Variants in OSBPL11 observed in about 807,000 individuals in gnomAD.
OSBPL11 encodes the protein oxysterol-binding protein-related protein 11.
In OSBPL11, 33 loss-of-function variants were observed where a neutral mutation model predicts 84.4. The ratio of observed to expected loss-of-function variants is 0.39; its 90% confidence interval spans 0.30 to 0.52. The LOEUF is 0.52. Ranked by LOEUF, OSBPL11 falls within the 20% of genes least tolerant of loss-of-function variation. OSBPL11 has a pLI of 0.72. For missense variants in OSBPL11, 736 were observed against 901.1 expected (o/e 0.82, Z 2.35); for synonymous variants, 276 against 310.2 (o/e 0.89, Z 1.16).
chr3:125,592,658 A>G (rs1023594965), intron 1 of OSBPL11, among the ~76,000 whole-genome samples: 1 of 152,164 alleles, frequency 6.6e-6, no homozygotes, highest in Non-Finnish European at 1.5e-5. Flanking sequence ...TTCATTGTAT[A>G]TACTCATCCC....
chr3:125,542,735 C>T (rs1935750654), intron 10 of OSBPL11, among the ~76,000 whole-genome samples: 1 of 152,140 alleles, frequency 6.6e-6, no homozygotes, highest in Non-Finnish European at 1.5e-5. Flanking sequence ...TGGTCTCGAT[C>T]TCCTGATCTT....
At chr3:125,567,872 T>C (rs1017700538) in intron 5 of OSBPL11, among the ~76,000 whole-genome samples, 16 of 151,590 alleles carry the variant, frequency 1.1e-4, no homozygotes, top group African/African-American at 3.4e-4. Context: ...CACATGCCTG[T>C]AGTCCCAGCT....
At chr3:125,540,744 A>G (rs1935717055) in intron 10 of OSBPL11, among the ~76,000 whole-genome samples, 2 of 152,158 alleles carry the variant, frequency 1.3e-5, no homozygotes, top group Admixed American at 6.5e-5. Context: ...AGGCTTTCCA[A>G]TGGACAATCT....
chr3:125,565,618 G>A (rs1014265641), intron 6 of OSBPL11, among the ~76,000 whole-genome samples: 2 of 152,080 alleles, frequency 1.3e-5, no homozygotes, highest in Admixed American at 6.6e-5. Context: ...TATCAACAGT[G>A]GTGGTTTCTG....
intron 11 of OSBPL11, among the ~76,000 whole-genome samples, chr3:125,537,019 G>A (rs1027242529): frequency 2.2e-4 from 33 of 151,784 alleles, no homozygotes; most frequent in Admixed American, 2.1e-3. Flanking sequence ...AATTAGCCAG[G>A]CGTGGTGGTC....
chr3:125,567,271 C>G (rs933896308), intron 6 of OSBPL11, 123 bp downstream of exon 6: 17 of 804,658 alleles, frequency 2.1e-5, no homozygotes, highest in Non-Finnish European at 3.2e-5. Context: ...TAAAAACCAA[C>G]AGGCTCTGGT....
At chr3:125,556,136 A>G (rs887377763) in intron 8 of OSBPL11, among the ~76,000 whole-genome samples, 9 of 152,364 alleles carry the variant, frequency 5.9e-5, no homozygotes, top group African/African-American at 1.9e-4. Context: ...GAAAGAAGAA[A>G]CGGATACAGT....
intron 10 of OSBPL11, among the ~76,000 whole-genome samples, chr3:125,541,330 T>C (rs1935726146): frequency 6.6e-6 from 1 of 152,206 alleles, no homozygotes; most frequent in South Asian, 2.1e-4. Context: ...TTAATAACTG[T>C]TGCCTGAATT....
intron 11 of OSBPL11, among the ~76,000 whole-genome samples, chr3:125,532,700 A>G (rs1241807816): frequency 6.6e-6 from 1 of 152,158 alleles, no homozygotes; most frequent in Non-Finnish European, 1.5e-5. Flanking sequence ...AGTTAAACAT[A>G]AAACTACCAT....
At position 125,538,258 on chromosome 3, in the gene OSBPL11, C is replaced by A. The variant is rs1343343831; in HGVS notation, c.2024+193G>T. On this transcript the variant is annotated intron_variant, in intron 11 of 12. Transcript: ENST00000296220. ...CTCCATTTACAATGTTTGGTTTTTA[C>A]TAAAATGTGACTGTATATCAAAGAA... Among the ~76,000 whole-genome samples, 3 of 152,110 alleles carry A rather than the reference C, an allele frequency of 2.0e-5. No individual in the cohort carries two copies. In the East Asian group the frequency reaches 5.8e-4, roughly 29 times the overall value.
intron 5 of OSBPL11, among the ~76,000 whole-genome samples, chr3:125,573,872 C>CAAAAAA (rs35902125): frequency 6.9e-5 from 3 of 43,512 alleles, no homozygotes; most frequent in Non-Finnish European, 8.1e-5. Context: ...AACTCCGTCT[C>CAAAAAA]AAAAAAAAAA....
At chr3:125,546,551 C>T (rs143442933) in intron 10 of OSBPL11, among the ~76,000 whole-genome samples, 80 of 152,130 alleles carry the variant, frequency 5.3e-4, no homozygotes, top group Non-Finnish European at 8.7e-4. Flanking sequence ...AGGCTGGTCT[C>T]GAAATCCTGA....
intron 4 of OSBPL11, among the ~76,000 whole-genome samples, chr3:125,577,108 A>G (rs1936337879): frequency 6.6e-6 from 1 of 152,240 alleles, no homozygotes; most frequent in African/African-American, 2.4e-5. Flanking sequence ...ACCTTGCAGT[A>G]TGAGAAAAGC....
chr3:125,531,523 TCAGGTGATCCGCCTGCCTC>T (rs896772315), intron 12 of OSBPL11, among the ~76,000 whole-genome samples: 1 of 151,482 alleles, frequency 6.6e-6, no homozygotes, highest in Non-Finnish European at 1.5e-5. Context: ...ACTCCTGACC[TCAGGTGATCCGCCTGCCTC>T]GGCCTCGCAA....
Position 125,552,433 on chromosome 3 carries a change from C to T in OSBPL11, c.1402G>A (p.Val468Ile). 2 of 1,614,142 alleles carry T rather than the reference C, an allele frequency of 1.2e-6. No individual in the cohort carries two copies. Among genetic ancestry groups the T allele is most frequent in the African/African-American group, 1.3e-5 (1 of 75,038 alleles). ...HCSWKMPKSE[V>I]ASSVFSSSST... Reference sequence around the variant, plus strand: ...GAACTGCTAAAAACACTGGATGCTACCTCGCTTTTTGGCATCTTCCAGGAA... The same window carrying T: ...GAACTGCTAAAAACACTGGATGCTATCTCGCTTTTTGGCATCTTCCAGGAA... The change falls in exon 9 of 13, where the codon GTA (valine) becomes ATA (isoleucine). Residue 468 changes from valine (V) to isoleucine (I), a missense_variant. By Grantham distance (29) the Val-to-Ile change is conservative (BLOSUM62 3). Around this residue, in one of 3 missense-constraint regions of OSBPL11, gnomAD observed 579 missense variants for 717.6 expected, o/e 0.81. Transcript: ENST00000296220.
chr3:125,574,121 A>G (rs981537738), intron 5 of OSBPL11, among the ~76,000 whole-genome samples: 3 of 152,172 alleles, frequency 2.0e-5, no homozygotes, highest in Admixed American at 6.5e-5. Context: ...TAAGAATTCA[A>G]AGAAGTTATT....
chr3:125,594,723 CACCGCTGTG>C lies in OSBPL11; in HGVS notation c.69_77del (p.Ala25_Thr27del). ...CACAGCTGCTGTTCTTGTTCGGGGT[CACCGCTGTG>C]GCCTGGCCCTCCAGCTTTCCTTCGC... On this transcript the variant is annotated inframe_deletion, in exon 1 of 13. Transcript: ENST00000296220. 6.2e-7 allele frequency: 1 copy of C among 1,614,176 alleles called. No homozygotes were observed. The highest frequency in any genetic ancestry group is 1.7e-5 in the Admixed American group (1 of 60,018).
At chr3:125,594,071 C>A (rs940785555) in intron 1 of OSBPL11, among the ~76,000 whole-genome samples, 4 of 152,218 alleles carry the variant, frequency 2.6e-5, no homozygotes, top group African/African-American at 7.2e-5. Context: ...GCCTGAGCAA[C>A]GCAAACTGAA....
At chr3:125,564,462 G>A (rs562935144) in intron 6 of OSBPL11, among the ~76,000 whole-genome samples, 3 of 152,156 alleles carry the variant, frequency 2.0e-5, no homozygotes, top group South Asian at 2.1e-4. Flanking sequence ...TCATCTTCTC[G>A]GTTAATGATT....
Sources: allele counts gnomAD v4.1 joint callset (sites outside exome capture counted in the v4.1 genomes callset), GRCh38; gene constraint gnomAD v4.1.1; regional missense constraint gnomAD v4.1.1; transcripts MANE v1.5; gene names NCBI Gene and HGNC (gene_info 2026-07-23, HGNC 2026-07-21).